Variants in GALNT17 observed in about 807,000 individuals in gnomAD.
GALNT17 encodes polypeptide N-acetylgalactosaminyltransferase 17, also known as UDP-GalNAc:polypeptide N-acetylgalactosaminyltransferase-like 3.
Under a neutral mutation model 63.7 loss-of-function variants are expected in GALNT17, and 29 were observed. The ratio of observed to expected loss-of-function variants is 0.46; its 90% CI spans 0.34 to 0.62. The LOEUF is 0.62. GALNT17 is among the 20% of genes least tolerant of loss of function. The probability of loss-of-function intolerance (pLI) is 0.01; values close to 1 mark genes in which losing one functional copy is unlikely to be tolerated. For synonymous variants in GALNT17, 305 were observed against 318.3 expected, an observed-to-expected ratio of 0.96 and a Z score of 0.45; for missense variants, 603 against 799.6, an observed-to-expected ratio of 0.75 and a Z score of 2.97.
At chr7:71,570,029 T>G (rs955313758) in intron 5 of GALNT17, among the ~76,000 whole-genome samples, 1 of 152,012 alleles carries the variant, frequency 6.6e-6, no homozygotes, top group African/African-American at 2.4e-5. Context: ...TCTCCACACC[T>G]TGCCAACATC....
intron 3 of GALNT17, among the ~76,000 whole-genome samples, chr7:71,409,621 C>T (rs1001600462): frequency 7.2e-5 from 11 of 152,132 alleles, no homozygotes; most frequent in African/African-American, 2.7e-4. Flanking sequence ...GGCCACTTCC[C>T]AAGTACACAT....
At chr7:71,461,062 C>T (rs893608034) in intron 5 of GALNT17, among the ~76,000 whole-genome samples, 4 of 152,130 alleles carry the variant, frequency 2.6e-5, no homozygotes, top group African/African-American at 4.8e-5. Flanking sequence ...AAGATGGAGC[C>T]GCTCTAGTTC....
chr7:71,162,436 TCATC>T (rs1241716615), intron 1 of GALNT17, among the ~76,000 whole-genome samples: 1 of 120,760 alleles, frequency 8.3e-6, no homozygotes, highest in Non-Finnish European at 1.7e-5. Flanking sequence ...ATCCATCCAT[TCATC>T]CATCCATCCA....
At chr7:71,202,021 A>G (rs981950119) in intron 1 of GALNT17, among the ~76,000 whole-genome samples, 4 of 152,032 alleles carry the variant, frequency 2.6e-5, no homozygotes, top group Non-Finnish European at 4.4e-5. Flanking sequence ...GTTTTAAGGT[A>G]TTTTTTACTC....
intron 5 of GALNT17, among the ~76,000 whole-genome samples, chr7:71,476,947 C>G (rs796341416): frequency 2.0e-4 from 31 of 152,194 alleles, no homozygotes; most frequent in South Asian, 6.2e-4. Flanking sequence ...AGCCCAGGGA[C>G]CAGAGAGGCA....
intron 2 of GALNT17, among the ~76,000 whole-genome samples, chr7:71,336,559 C>T (rs537666985): frequency 6.6e-6 from 1 of 152,218 alleles, no homozygotes; most frequent in African/African-American, 2.4e-5. Context: ...GTGTACTCGT[C>T]GTTTAGCCCC....
chr7:71,547,998 C>A (rs766156684), intron 5 of GALNT17, among the ~76,000 whole-genome samples: 1 of 151,968 alleles, frequency 6.6e-6, no homozygotes, highest in African/African-American at 2.4e-5. Flanking sequence ...GAGGGCAAGG[C>A]GGGTGGATTG....
chr7:71,197,479 A>T lies in GALNT17; in HGVS notation c.238+64439A>T, dbSNP rs190971305. 3.3e-3 allele frequency among the ~76,000 whole-genome samples: 504 copies of T among 151,546 alleles called. 2 individuals are homozygous for T. Among genetic ancestry groups the T allele is most frequent in the African/African-American group, 0.011 (473 of 41,332 alleles). On this transcript the variant is annotated intron_variant, in intron 1 of 10. Coordinates refer to ENST00000333538, the MANE Select transcript of GALNT17 (RefSeq NM_022479.3). ...CATCTCGGCCTCCCAAAGTGCTGGG[A>T]TTACAGGCATGAGACACCGCGCCTG...
intron 6 of GALNT17, among the ~76,000 whole-genome samples, chr7:71,652,442 A>G (rs183223318): frequency 6.7e-4 from 102 of 152,276 alleles, no homozygotes; most frequent in African/African-American, 2.2e-3. Context: ...AAGTCAGCTC[A>G]CCATCTCTAG....
At chr7:71,145,754 G>A (rs915395366) in intron 1 of GALNT17, among the ~76,000 whole-genome samples, 15 of 151,964 alleles carry the variant, frequency 9.9e-5, no homozygotes, top group South Asian at 2.1e-4. Flanking sequence ...TGCCCAGGCC[G>A]GAGTGCAGTG....
intron 9 of GALNT17, among the ~76,000 whole-genome samples, chr7:71,688,667 C>T (rs947406225): frequency 6.6e-6 from 1 of 152,132 alleles, no homozygotes; most frequent in Non-Finnish European, 1.5e-5. Flanking sequence ...GTCCTTTCAA[C>T]AATATTCACA....
At chr7:71,403,921 G>T (rs1402429378) in intron 3 of GALNT17, among the ~76,000 whole-genome samples, 4 of 152,084 alleles carry the variant, frequency 2.6e-5, no homozygotes, top group Admixed American at 6.6e-5. Flanking sequence ...CAATATCACC[G>T]TAAATAAGAA....
intron 6 of GALNT17, among the ~76,000 whole-genome samples, chr7:71,571,806 G>C (rs965445051): frequency 6.6e-6 from 1 of 152,092 alleles, no homozygotes; most frequent in Admixed American, 6.5e-5. Context: ...TTAAGACCAG[G>C]CATTCAAGAC....
chr7:71,289,437 A>G (rs1431416646), intron 1 of GALNT17, among the ~76,000 whole-genome samples: 2 of 152,008 alleles, frequency 1.3e-5, no homozygotes, highest in African/African-American at 4.8e-5. Context: ...GATAAAGTTC[A>G]CATAACATCA....
At chr7:71,675,802 C>A (rs1336475506) in intron 8 of GALNT17, among the ~76,000 whole-genome samples, 1 of 152,080 alleles carries the variant, frequency 6.6e-6, no homozygotes, top group Non-Finnish European at 1.5e-5. Context: ...GCCTGGCCAA[C>A]GTGGTGAAAC....
chr7:71,452,478 C>T lies in GALNT17; in HGVS notation c.962+31373C>T, dbSNP rs191915800. The stretch of plus-strand genomic sequence containing the variant: ...GGAGAATTGGCTTGAACTTGGGAGG[C>T]GGAGGTTGCAGTGAGTCAAGGTCAC... On this transcript the variant is annotated intron_variant, in intron 5 of 10. Transcript: ENST00000333538. Among the ~76,000 whole-genome samples, 1,168 of 151,110 alleles carry T rather than the reference C, an allele frequency of 7.7e-3. 6 individuals carry two copies. The highest frequency in any genetic ancestry group is 0.014 in the Middle Eastern group (4 of 282).
intron 5 of GALNT17, among the ~76,000 whole-genome samples, chr7:71,483,010 C>T (rs1046848898): frequency 1.3e-5 from 2 of 152,154 alleles, no homozygotes; most frequent in Non-Finnish European, 2.9e-5. Flanking sequence ...CGCCTGCGGG[C>T]CGCTCACCTC....
At chr7:71,478,325 G>A (rs756736242) in intron 5 of GALNT17, among the ~76,000 whole-genome samples, 1 of 151,822 alleles carries the variant, frequency 6.6e-6, no homozygotes, top group Non-Finnish European at 1.5e-5. Context: ...TGGGTTTTTT[G>A]TTCTGAGACA....
At chr7:71,187,693 G>T (rs1788877317) in intron 1 of GALNT17, among the ~76,000 whole-genome samples, 1 of 152,128 alleles carries the variant, frequency 6.6e-6, no homozygotes, top group Non-Finnish European at 1.5e-5. Flanking sequence ...TGGGGGAATG[G>T]CTGAGGAGGG....
Sources: gnomAD v4.1 joint callset for allele counts (sites outside exome capture counted in the v4.1 genomes callset) on GRCh38, gnomAD v4.1.1 for gene constraint, MANE v1.5 for transcripts, NCBI Gene and HGNC (gene_info 2026-07-23, HGNC 2026-07-21) for gene names.